The following ZNF560 variants were observed in gnomAD, a reference collection of about 807,000 sequenced individuals.
ZNF560 encodes zinc finger protein 560.
ZNF560 carries 54 observed loss-of-function variants against 81.8 expected under a neutral mutation model. The observed-to-expected ratio is 0.66, with a 90% CI of 0.53 to 0.83. The LOEUF is 0.83. ZNF560 is among the 40% of genes least tolerant of loss of function. The probability of loss-of-function intolerance (pLI) is 0.00; values close to 1 mark genes in which losing one functional copy is unlikely to be tolerated. For missense variants in ZNF560, 940 were observed against 932.4 expected, an observed-to-expected ratio of 1.01 and a Z score of -0.11; for synonymous variants, 321 against 317.9, an observed-to-expected ratio of 1.01 and a Z score of -0.10.
chr19:9,467,068 G>A lies in ZNF560; in HGVS notation c.1879C>T (p.Pro627Ser), dbSNP rs1383861740. 1 of 1,613,852 alleles carries A rather than the reference G, an allele frequency of 6.2e-7. No homozygotes were observed. The highest frequency in any genetic ancestry group is 8.5e-7 in the Non-Finnish European group (1 of 1,179,960). ...KHLRRHTGDK[P>S]YEYKDCGKAF... ...TTCCCACAGTCCTTATATTCATAGGGCTTATCTCCAGTGTGTCTTCGTAAA... is the reference window on the plus strand; with the variant it reads ...TTCCCACAGTCCTTATATTCATAGGACTTATCTCCAGTGTGTCTTCGTAAA... Residue 627 changes from proline (P) to serine (S), a missense_variant, in exon 10 of 10, where the codon CCC becomes TCC. Transcript: ENST00000301480.
At chr19:9,502,184 C>A (rs987546442), upstream of ZNF560, among the ~76,000 whole-genome samples, 4 of 150,804 alleles carry the variant, frequency 2.7e-5, no homozygotes, top group African/African-American at 9.8e-5. Flanking sequence ...AAAAAGTGTT[C>A]TCTCATGTTT....
At chr19:9,503,587 TAG>T (rs778966743), upstream of ZNF560, among the ~76,000 whole-genome samples, 6 of 152,094 alleles carry the variant, frequency 3.9e-5, no homozygotes, top group Non-Finnish European at 8.8e-5. Flanking sequence ...CAGGCTGGAG[TAG>T]AGTGGCAAAA....
intron 2 of ZNF560, among the ~76,000 whole-genome samples, chr19:9,478,726 A>G (rs2144702938): frequency 1.3e-5 from 2 of 152,358 alleles, no homozygotes; most frequent in East Asian, 3.9e-4. Flanking sequence ...AAGATGTTTC[A>G]TATAAGTCTT....
Position 9,494,682 on chromosome 19 carries a change from G to A in ZNF560, c.-57+3446C>T, listed in dbSNP as rs529705546. ...ACCTGGGAGGCAGAGGTTGCAGTGA[G>A]CCAAGATCACGCCACTGCACTCCAC... is the stretch of plus-strand genomic sequence containing the variant. On this transcript the variant is annotated intron_variant, in intron 2 of 9. Coordinates refer to ENST00000301480, the MANE Select transcript of ZNF560 (RefSeq NM_152476.3). Among the ~76,000 whole-genome samples, 24 of 152,220 alleles carry A rather than the reference G, an allele frequency of 1.6e-4. No homozygotes were observed. The South Asian group carries it at 5.0e-3, about 32-fold the overall frequency.
chr19:9,499,882 T>C (rs2073617269), upstream of ZNF560, among the ~76,000 whole-genome samples: 1 of 152,222 alleles, frequency 6.6e-6, no homozygotes, highest in African/African-American at 2.4e-5. Flanking sequence ...TGATTGTTCA[T>C]TGCTGGTGTA....
chr19:9,499,986 A>G (rs1285460308), upstream of ZNF560, among the ~76,000 whole-genome samples: 1 of 152,168 alleles, frequency 6.6e-6, no homozygotes, highest in Non-Finnish European at 1.5e-5. Flanking sequence ...AGATTCTTCA[A>G]AATTCTCTAT....
Position 9,475,360 on chromosome 19 carries a change from C to A in ZNF560, c.-47G>T, listed in dbSNP as rs1166630277. On this transcript the variant is annotated 5_prime_UTR_variant, in exon 3 of 10. The change creates a new upstream start codon in the 5' untranslated region. Coordinates refer to ENST00000301480, the MANE Select transcript of ZNF560 (RefSeq NM_152476.3). ...TTCTTCATGAAGGCAGATTGGGTTC[C>A]TAGAAAGACCTGGAAAAGAAAGAAG... 6.3e-7 allele frequency: 1 copy of A among 1,597,904 alleles called. No homozygotes were observed. The highest frequency in any genetic ancestry group is 1.3e-5 in the African/African-American group (1 of 74,620).
chr19:9,467,858 A>G lies in ZNF560; in HGVS notation c.1089T>C (p.Leu363=). Residue 363 remains leucine (L), a synonymous_variant, in exon 10 of 10, where the codon CTT becomes CTC. Transcript: ENST00000301480. ...CAATGTGGGTTTGCATGTGATTATT[A>G]AGGTGGGTAGGGTATCTAAAATCTT... ...CGKDFRYPTH[L]NNHMQTHIGI... is the part of the protein sequence containing the mutation. The G allele has an allele frequency of 6.2e-7, 1 of 1,614,182 alleles. No individual in the cohort carries two copies. Among genetic ancestry groups the G allele is most frequent in the Non-Finnish European group, 8.5e-7 (1 of 1,180,034 alleles).
chr19:9,456,050 G>A, the ZNF560 span, among the ~76,000 whole-genome samples: 2 of 152,148 alleles, frequency 1.3e-5, no homozygotes, highest in South Asian at 2.1e-4. Flanking sequence ...TGATAAAGAC[G>A]GAAACCCGAT....
intron 4 of ZNF560, among the ~76,000 whole-genome samples, chr19:9,473,992 G>C (rs1026634041): frequency 6.6e-6 from 1 of 152,186 alleles, no homozygotes; most frequent in African/African-American, 2.4e-5. Flanking sequence ...CAAAGGCAGA[G>C]ACTAAGACTG....
chr19:9,454,121 C>A, the ZNF560 span, among the ~76,000 whole-genome samples: 2 of 152,180 alleles, frequency 1.3e-5, no homozygotes, highest in African/African-American at 4.8e-5. Flanking sequence ...GCAATCTGTG[C>A]CTTAAGGACA....
intron 2 of ZNF560, among the ~76,000 whole-genome samples, chr19:9,478,171 G>C (rs963460172): frequency 1.3e-5 from 2 of 152,068 alleles, no homozygotes; most frequent in Non-Finnish European, 2.9e-5. Context: ...ACATATGAAC[G>C]AGTTCCAATA....
chr19:9,479,788 T>C (rs2073257534), intron 2 of ZNF560, among the ~76,000 whole-genome samples: 1 of 152,068 alleles, frequency 6.6e-6, no homozygotes, highest in Non-Finnish European at 1.5e-5. Context: ...TTAAAGTACA[T>C]GAGAGGATGT....
the ZNF560 span, among the ~76,000 whole-genome samples, chr19:9,450,567 A>G: frequency 1.3e-5 from 2 of 152,120 alleles, no homozygotes; most frequent in Admixed American, 1.3e-4. Flanking sequence ...TTGTTTATTT[A>G]TTTTTAAAGA....
downstream of ZNF560, among the ~76,000 whole-genome samples, chr19:9,466,120 T>A (rs2073010951): frequency 1.3e-5 from 2 of 152,078 alleles, no homozygotes; most frequent in African/African-American, 4.8e-5. Flanking sequence ...TGGAAGCACA[T>A]GATCACATGA....
chr19:9,463,594 ACACT>A (rs1364190870), downstream of ZNF560, among the ~76,000 whole-genome samples: 2 of 152,236 alleles, frequency 1.3e-5, no homozygotes, highest in Non-Finnish European at 2.9e-5. Context: ...TAAAATAATC[ACACT>A]CATACCACAA....
chr19:9,478,773 C>T (rs1012387597), intron 2 of ZNF560, among the ~76,000 whole-genome samples: 3 of 151,564 alleles, frequency 2.0e-5, no homozygotes, highest in African/African-American at 7.3e-5. Flanking sequence ...AGCCAACACA[C>T]AAAAGATAAA....
intron 2 of ZNF560, among the ~76,000 whole-genome samples, chr19:9,494,781 C>T (rs1278362829): frequency 6.6e-6 from 1 of 152,106 alleles, no homozygotes; most frequent in Non-Finnish European, 1.5e-5. Context: ...GTGGCGAATG[C>T]CTGTAATCCC....
the ZNF560 span, among the ~76,000 whole-genome samples, chr19:9,453,965 A>T: frequency 1.3e-5 from 2 of 152,228 alleles, no homozygotes; most frequent in African/African-American, 4.8e-5. Flanking sequence ...CATAAACAAG[A>T]TCTCTGCAGC....
Sources: gnomAD v4.1 joint callset for allele counts (sites outside exome capture counted in the v4.1 genomes callset) on GRCh38, gnomAD v4.1.1 for gene constraint, MANE v1.5 for transcripts, NCBI Gene and HGNC (gene_info 2026-07-23, HGNC 2026-07-21) for gene names.